ANXA7: variants seen among roughly 807,000 people sequenced by gnomAD.
ANXA7 encodes annexin A7.
In ANXA7, 55 loss-of-function variants were observed where a neutral mutation model predicts 64.9. The ratio of observed to expected loss-of-function variants is 0.85; its 90% CI spans 0.68 to 1.06. ANXA7 has a LOEUF of 1.06. ANXA7 is among the 50% of genes least tolerant of loss of function. The pLI is 0.00. For missense variants in ANXA7, 548 were observed against 582.1 expected (o/e 0.94, Z 0.60); for synonymous variants, 200 against 192.4 (o/e 1.04, Z -0.33).
chr10:73,412,483 G>A (rs1256936387), intron 1 of ANXA7, among the ~76,000 whole-genome samples: 1 of 151,034 alleles, frequency 6.6e-6, no homozygotes, highest in African/African-American at 2.4e-5. Context: ...TGAATAGTAA[G>A]TCTAGAGTTT....
chr10:73,413,920 A>T (rs2055882723), intron 1 of ANXA7, 92 bp downstream of exon 1: 1 of 152,924 alleles, frequency 6.5e-6, no homozygotes, highest in Non-Finnish European at 1.5e-5. Flanking sequence ...GCCGCGCCCC[A>T]CTAGCACCGG....
intron 11 of ANXA7, among the ~76,000 whole-genome samples, chr10:73,379,312 A>G (rs2055236047): frequency 1.3e-5 from 2 of 152,154 alleles, no homozygotes; most frequent in Non-Finnish European, 2.9e-5. Flanking sequence ...TACAAGTGTG[A>G]GCTACTGCCC....
intron 5 of ANXA7, among the ~76,000 whole-genome samples, chr10:73,392,040 T>A (rs2055493015): frequency 6.6e-6 from 1 of 152,056 alleles, no homozygotes; most frequent in Admixed American, 6.6e-5. Flanking sequence ...CCCACAGAGA[T>A]ACAAACTACC....
rs550167821 is a variant in ANXA7 at position 73,391,565 on chromosome 10, T to C, written c.436-3151A>G. Reference sequence around the variant, plus strand: ...ATTTCGAGGCTGCAGTGAGCTTTGATCACGCCACTGTACTCCAGCCTGACC... The same window carrying C: ...ATTTCGAGGCTGCAGTGAGCTTTGACCACGCCACTGTACTCCAGCCTGACC... On this transcript the variant is annotated intron_variant, in intron 5 of 12. Coordinates refer to ENST00000372921, the MANE Select transcript of ANXA7 (RefSeq NM_001156.5). Among the ~76,000 whole-genome samples the C allele has an allele frequency of 5.9e-5, 9 of 152,188 alleles. No individual in the cohort carries two copies. The South Asian group carries it at 1.0e-3, about 18-fold the overall frequency.
At chr10:73,391,672 G>C (rs572149301) in intron 5 of ANXA7, among the ~76,000 whole-genome samples, 2 of 152,190 alleles carry the variant, frequency 1.3e-5, no homozygotes, top group South Asian at 4.2e-4. Context: ...CAGAATTAGA[G>C]AACTGGATCA....
At chr10:73,377,776 GTGTGTGTGT>G (rs1564519430) in intron 12 of ANXA7, among the ~76,000 whole-genome samples, 2 of 144,918 alleles carry the variant, frequency 1.4e-5, no homozygotes, top group East Asian at 2.1e-4. Context: ...GGGTGTGGGT[GTGTGTGTGT>G]GTGTGTGTGT....
chr10:73,408,895 T>C (rs912916447), intron 1 of ANXA7, among the ~76,000 whole-genome samples: 6 of 152,230 alleles, frequency 3.9e-5, no homozygotes, highest in Admixed American at 6.5e-5. Flanking sequence ...AAATGTGATG[T>C]ATCACATAAA....
chr10:73,398,039 G>T, intron 3 of ANXA7, 142 bp downstream of exon 3: 1 of 738,946 alleles, frequency 1.4e-6, no homozygotes. Flanking sequence ...CCTCCATCTT[G>T]CCAGCTAGGT....
chr10:73,384,099 C>A (rs760093949), intron 7 of ANXA7, among the ~76,000 whole-genome samples: 2 of 149,102 alleles, frequency 1.3e-5, no homozygotes, highest in Non-Finnish European at 3.0e-5. Flanking sequence ...CCAGCCTGGG[C>A]GACAGAGCAA....
chr10:73,396,679 C>G lies in ANXA7; in HGVS notation c.371-96G>C, dbSNP rs909032252. On this transcript the variant is annotated intron_variant, in intron 4 of 12. Coordinates refer to ENST00000372921, the MANE Select transcript of ANXA7 (RefSeq NM_001156.5). ...TGATGACTATGAATATGGAAACATA[C>G]AAGAACATTCACACTATGATACTTA... The G allele has an allele frequency of 4.2e-5, 30 of 711,308 alleles. 2 individuals are homozygous for G. The Middle Eastern group carries it at 1.1e-3, about 27-fold the overall frequency. 44.1% of individuals were successfully genotyped at this position (711,308 alleles called of 1,614,324 possible).
chr10:73,381,883 C>CT lies in ANXA7; in HGVS notation c.918+1291dup, dbSNP rs748004145. Reference sequence around the variant, plus strand: ...CACTATCCTTTCCACAGCTACCTCCCTTTTTTTTTTTTTAGATGGAGTTTT... The same window carrying CT: ...CACTATCCTTTCCACAGCTACCTCCCTTTTTTTTTTTTTTAGATGGAGTTTT... On this transcript the variant is annotated intron_variant, in intron 9 of 12. Transcript: ENST00000372921. Among the ~76,000 whole-genome samples, 920 of 145,390 alleles carry CT rather than the reference C, an allele frequency of 6.3e-3. 2 individuals carry two copies. Among genetic ancestry groups the CT allele is most frequent in the South Asian group, 0.013 (59 of 4,594 alleles).
chr10:73,390,540 T>C lies in ANXA7; in HGVS notation c.436-2126A>G, dbSNP rs79797195. On this transcript the variant is annotated intron_variant, in intron 5 of 12. Coordinates refer to ENST00000372921, the MANE Select transcript of ANXA7 (RefSeq NM_001156.5). ...TATAAAAAAATTTTATAAGCCTTCA[T>C]GTCTCAAGAAACTAAGTTTCCTTTG... Among the ~76,000 whole-genome samples, 228 of 152,086 alleles carry C rather than the reference T, an allele frequency of 1.5e-3. 7 individuals carry two copies. Among genetic ancestry groups the C allele is most frequent in the African/African-American group, 4.8e-3 (200 of 41,512 alleles).
chr10:73,378,228 C>T (rs1222191578), intron 12 of ANXA7, among the ~76,000 whole-genome samples: 1 of 151,406 alleles, frequency 6.6e-6, no homozygotes, highest in African/African-American at 2.4e-5. Flanking sequence ...AATACAAAAA[C>T]TTAGCTGGGC....
intron 3 of ANXA7, among the ~76,000 whole-genome samples, chr10:73,397,916 C>T (rs2055601707): frequency 1.3e-5 from 2 of 152,138 alleles, no homozygotes; most frequent in Admixed American, 6.5e-5. Context: ...AGACTACAAA[C>T]AAGCAAAGTG....
intron 5 of ANXA7, among the ~76,000 whole-genome samples, chr10:73,394,282 C>T (rs2055534251): frequency 6.6e-6 from 1 of 152,166 alleles, no homozygotes; most frequent in Non-Finnish European, 1.5e-5. Context: ...ACTAGTTCAA[C>T]CACTGTGGAA....
intron 1 of ANXA7, among the ~76,000 whole-genome samples, chr10:73,412,575 C>A (rs2055862237): frequency 6.6e-6 from 1 of 150,426 alleles, no homozygotes; most frequent in African/African-American, 2.4e-5. Flanking sequence ...CTCACTGCAA[C>A]CTCTGCCTCC....
chr10:73,398,793 T>C (rs1010660712), intron 2 of ANXA7, among the ~76,000 whole-genome samples: 1 of 152,152 alleles, frequency 6.6e-6, no homozygotes, highest in African/African-American at 2.4e-5. Context: ...CTGGATCTGT[T>C]ACATAATATT....
chr10:73,389,752 A>G (rs1378816686), intron 5 of ANXA7, among the ~76,000 whole-genome samples: 1 of 152,174 alleles, frequency 6.6e-6, no homozygotes, highest in African/African-American at 2.4e-5. Flanking sequence ...CAGCCTCCTG[A>G]GTAGCTAGCA....
chr10:73,395,311 C>T (rs781744786), intron 5 of ANXA7, among the ~76,000 whole-genome samples: 19 of 152,158 alleles, frequency 1.2e-4, no homozygotes, highest in Non-Finnish European at 2.5e-4. Context: ...GAATCCTTCT[C>T]CTACCCCAGC....
Sources: gnomAD v4.1 joint callset for allele counts (sites outside exome capture counted in the v4.1 genomes callset) on GRCh38, gnomAD v4.1.1 for gene constraint, MANE v1.5 for transcripts, NCBI Gene and HGNC (gene_info 2026-07-23, HGNC 2026-07-21) for gene names.